GRIK4: variants seen among roughly 807,000 people sequenced by gnomAD.
GRIK4 encodes glutamate ionotropic receptor kainate type subunit 4.
Under a neutral mutation model 104.9 loss-of-function variants are expected in GRIK4, and 40 were observed. The ratio of observed to expected loss-of-function variants is 0.38; its 90% CI spans 0.30 to 0.50. The LOEUF is 0.50. GRIK4 is among the 20% of genes least tolerant of loss of function. The pLI, the probability that GRIK4 is intolerant of heterozygous loss-of-function variation, is 0.93. For missense variants in GRIK4, 1,047 were observed against 1,308.1 expected (o/e 0.80, Z 3.08); for synonymous variants, 485 against 524.9 (o/e 0.92, Z 1.04).
intron 1 of GRIK4, among the ~76,000 whole-genome samples, chr11:120,542,160 T>C (rs1386157115): frequency 6.6e-6 from 1 of 152,170 alleles, no homozygotes. Flanking sequence ...CACACATATG[T>C]GGTCAACTAA....
intron 1 of GRIK4, among the ~76,000 whole-genome samples, chr11:120,627,033 G>A (rs936292793): frequency 1.3e-5 from 2 of 152,214 alleles, no homozygotes; most frequent in South Asian, 4.1e-4. Flanking sequence ...CAGAGGCCAC[G>A]TAGCAGGCGG....
At chr11:120,962,738 G>C in intron 18 of GRIK4, 57 bp downstream of exon 18, 1 of 1,174,240 alleles carries the variant, frequency 8.5e-7, no homozygotes, top group Non-Finnish European at 1.3e-6. Context: ...GGTCAGGGTA[G>C]CTCAAACCAC....
intron 1 of GRIK4, among the ~76,000 whole-genome samples, chr11:120,616,417 T>C (rs930610693): frequency 6.6e-6 from 1 of 152,226 alleles, no homozygotes; most frequent in African/African-American, 2.4e-5. Flanking sequence ...GAAGCGCCTG[T>C]TAGATTGCTC....
At chr11:120,971,811 GT>G (rs1418047445) in intron 19 of GRIK4, among the ~76,000 whole-genome samples, 33 of 152,366 alleles carry the variant, frequency 2.2e-4, no homozygotes, top group African/African-American at 7.9e-4. Flanking sequence ...CTTTAGGACT[GT>G]TGTGAGGCAC....
At chr11:120,770,097 CAGTT>C (rs1202351105) in intron 3 of GRIK4, among the ~76,000 whole-genome samples, 1 of 152,166 alleles carries the variant, frequency 6.6e-6, no homozygotes, top group Non-Finnish European at 1.5e-5. Flanking sequence ...TGCAATTAGT[CAGTT>C]AGTCCGTAAG....
intron 13 of GRIK4, among the ~76,000 whole-genome samples, chr11:120,915,975 T>C (rs2134547862): frequency 6.6e-6 from 1 of 152,260 alleles, no homozygotes; most frequent in South Asian, 2.1e-4. Flanking sequence ...CAAAGGGGCA[T>C]GTGAGAACTG....
At chr11:120,853,412 A>G (rs7104543) in intron 8 of GRIK4, among the ~76,000 whole-genome samples, 75,714 of 152,026 alleles carry the variant, frequency 0.5, 19,728 homozygotes, top group African/African-American at 0.65. Context: ...GGAGAAACCA[A>G]TGAGTCCGTA....
chr11:120,610,114 T>C (rs904503023), intron 1 of GRIK4, among the ~76,000 whole-genome samples: 1 of 152,180 alleles, frequency 6.6e-6, no homozygotes, highest in African/African-American at 2.4e-5. Flanking sequence ...TTTGTTTTTA[T>C]GGCGATGCTC....
chr11:120,777,120 T>G (rs947172013), intron 3 of GRIK4, among the ~76,000 whole-genome samples: 4 of 152,158 alleles, frequency 2.6e-5, no homozygotes, highest in Admixed American at 2.6e-4. Flanking sequence ...TTCCCTCCCA[T>G]TCTAAAAACA....
At chr11:120,558,549 C>T (rs1375487469) in intron 1 of GRIK4, among the ~76,000 whole-genome samples, 1 of 152,206 alleles carries the variant, frequency 6.6e-6, no homozygotes, top group Non-Finnish European at 1.5e-5. Context: ...GATCACGCCA[C>T]TGAACTCCAG....
At chr11:120,613,041 G>A (rs1430038062) in intron 1 of GRIK4, among the ~76,000 whole-genome samples, 1 of 152,212 alleles carries the variant, frequency 6.6e-6, no homozygotes, top group Non-Finnish European at 1.5e-5. Flanking sequence ...CTGGGATAAA[G>A]AGCCATTTGA....
chr11:120,962,678 G>T lies in GRIK4; in HGVS notation c.2263G>T (p.Val755Phe), dbSNP rs1482186923. The change falls in exon 18 of 21, where the codon GTC becomes TTC. Residue 755 changes from valine (V) to phenylalanine (F), a missense_variant. Val to Phe is a conservative substitution (Grantham distance 50). This residue lies in a region of GRIK4 where 440 missense variants were observed against 652.3 expected (regional missense o/e 0.67). Coordinates refer to ENST00000527524, the MANE Select transcript of GRIK4 (RefSeq NM_014619.5). ...DTKGYGIGMP[V>F]GSVFRDEFDL... ...CAAGGGCTATGGGATTGGCATGCCA[G>T]TCGGTATGCGGGAGAGGAACAGCCT... 4 of 1,607,026 alleles carry T rather than the reference G, an allele frequency of 2.5e-6. No individual in the cohort carries two copies. Among genetic ancestry groups the T allele is most frequent in the Admixed American group, 1.7e-5 (1 of 59,978 alleles).
chr11:120,788,742 T>C (rs1172656780), intron 3 of GRIK4, among the ~76,000 whole-genome samples: 1 of 152,026 alleles, frequency 6.6e-6, no homozygotes, highest in Non-Finnish European at 1.5e-5. Flanking sequence ...TTCTGAGCCC[T>C]TCTTATCTTA....
intron 8 of GRIK4, among the ~76,000 whole-genome samples, chr11:120,838,882 G>C (rs572497436): frequency 2.0e-5 from 3 of 152,196 alleles, no homozygotes; most frequent in Admixed American, 6.5e-5. Context: ...TGCCTCCCAG[G>C]TTCAAGCCAT....
intron 9 of GRIK4, 33 bp from the exon 10 acceptor site, chr11:120,874,033 C>T: frequency 6.3e-7 from 1 of 1,581,276 alleles, no homozygotes; most frequent in Non-Finnish European, 8.7e-7. Context: ...ACCTCTCACT[C>T]CCTCCCTCCG....
chr11:120,910,874 A>C (rs927414476), intron 13 of GRIK4, among the ~76,000 whole-genome samples: 1 of 152,180 alleles, frequency 6.6e-6, no homozygotes, highest in South Asian at 2.1e-4. Context: ...AGGTGATGCT[A>C]GGCCTGAATC....
Position 120,832,012 on chromosome 11 carries a change from C to T in GRIK4, c.672C>T (p.Ser224=), listed in dbSNP as rs1565380059. The T allele has an allele frequency of 6.2e-7, 1 of 1,612,314 alleles. No individual in the cohort carries two copies. The highest frequency in any genetic ancestry group is 8.5e-7 in the Non-Finnish European group (1 of 1,178,994). ...TIIIHANASM[S]HTILLKAAEL... ...TCATCCACGCCAACGCCTCCATGTC[C>T]CACACCATCCTCCTGAAGGTGGGAG... The change falls in exon 7 of 21, where the codon TCC becomes TCT. Residue 224 remains serine, a synonymous_variant. Coordinates refer to ENST00000527524, the MANE Select transcript of GRIK4 (RefSeq NM_014619.5).
intron 3 of GRIK4, among the ~76,000 whole-genome samples, chr11:120,769,482 T>G (rs1197118744): frequency 6.6e-6 from 1 of 152,192 alleles, no homozygotes; most frequent in East Asian, 1.9e-4. Flanking sequence ...TTTGTGATAT[T>G]AATATTTTAA....
chr11:120,802,716 G>A lies in GRIK4; in HGVS notation c.106G>A (p.Glu36Lys). The change falls in exon 4 of 21, where the codon GAG (glutamate) becomes AAG (lysine). Residue 36 changes from glutamate to lysine, a missense_variant. By Grantham distance (56) the Glu-to-Lys change is moderately conservative. Around this residue, in one of 3 missense-constraint regions of GRIK4, gnomAD observed 447 missense variants for 514.9 expected, o/e 0.87. Transcript: ENST00000527524. ...RIAAILDDPM[E>K]CSRGERLSIT... ...AGCTGCTATCTTGGACGACCCCATG[G>A]AGTGCAGCAGAGGGGAGCGGCTCTC... The A allele has an allele frequency of 6.2e-7, 1 of 1,614,110 alleles. No homozygotes were observed. Among genetic ancestry groups the A allele is most frequent in the Non-Finnish European group, 8.5e-7 (1 of 1,180,006 alleles).
Sources: gnomAD v4.1 joint callset for allele counts (sites outside exome capture counted in the v4.1 genomes callset) on GRCh38, gnomAD v4.1.1 for gene constraint, gnomAD v4.1.1 regional missense constraint, MANE v1.5 for transcripts, NCBI Gene and HGNC (gene_info 2026-07-23, HGNC 2026-07-21) for gene names.